EIF3H: variants seen among roughly 807,000 people sequenced by gnomAD.
EIF3H encodes eukaryotic translation initiation factor 3 subunit H.
In EIF3H, 26 loss-of-function variants were observed where a neutral mutation model predicts 44.2. That is an observed-to-expected ratio of 0.59 (90% CI 0.43 to 0.82). EIF3H has a LOEUF of 0.82. Among genes scored for constraint, EIF3H ranks in the 40% least tolerant of loss-of-function variants. The pLI is 0.00. For synonymous variants in EIF3H, 166 were observed against 151.9 expected (o/e 1.09, Z -0.68); for missense variants, 359 against 432.8 (o/e 0.83, Z 1.51).
At chr8:116,743,796 ATAAACACACACACACACAC>A (rs1815178593) in intron 1 of EIF3H, among the ~76,000 whole-genome samples, 5 of 98,960 alleles carry the variant, frequency 5.1e-5, no homozygotes, top group South Asian at 3.2e-4. Flanking sequence ...ATATATATAT[ATAAACACACACACACACAC>A]ACACACACAC....
chr8:116,757,035 C>T (rs1448908333), upstream of EIF3H, among the ~76,000 whole-genome samples: 1 of 152,152 alleles, frequency 6.6e-6, no homozygotes, highest in Non-Finnish European at 1.5e-5. Context: ...TTATTTATTG[C>T]TTTATCCTAC....
chr8:116,722,990 G>T (rs941867521), intron 2 of EIF3H, among the ~76,000 whole-genome samples: 3 of 152,132 alleles, frequency 2.0e-5, no homozygotes, highest in African/African-American at 7.2e-5. Flanking sequence ...CTTCAAGCTC[G>T]TAAAAGAAGT....
chr8:116,684,017 G>T (rs1417862762), intron 2 of EIF3H, among the ~76,000 whole-genome samples: 1 of 152,154 alleles, frequency 6.6e-6, no homozygotes, highest in Non-Finnish European at 1.5e-5. Flanking sequence ...TGACAGGTGA[G>T]GAAGTCTAAG....
intron 2 of EIF3H, among the ~76,000 whole-genome samples, chr8:116,718,145 A>G (rs78916003): frequency 0.021 from 3,257 of 152,274 alleles, 53 homozygotes; most frequent in Non-Finnish European, 0.031. Flanking sequence ...ACTAATTATC[A>G]GGGAAATGCA....
Position 116,726,037 on chromosome 8 carries a change from CCT to C in EIF3H, c.266_267del (p.Glu89GlyfsTer2). 6.2e-7 allele frequency: 1 copy of C among 1,613,952 alleles called. No homozygotes were observed. Among genetic ancestry groups the C allele is most frequent in the Non-Finnish European group, 8.5e-7 (1 of 1,179,912 alleles). On this transcript the variant is annotated frameshift_variant, in exon 2 of 8. Coordinates refer to ENST00000521861, the MANE Select transcript of EIF3H (RefSeq NM_003756.3). LOFTEE classifies it high-confidence loss of function. ...TNCFPFPQHT[E>X]DDADFDEVQY... is the part of the protein sequence containing the mutation. ...TTACCTTCATCAAAGTCAGCATCAT[CCT>C]CTGTGTGCTGAGGGAAAGGAAAGCA...
chr8:116,649,197 C>A (rs1813351462), intron 5 of EIF3H, among the ~76,000 whole-genome samples: 1 of 152,200 alleles, frequency 6.6e-6, no homozygotes, highest in Admixed American at 6.5e-5. Context: ...AACTGTTAAA[C>A]ATACCTAGTG....
At chr8:116,661,641 T>A (rs979279860) in intron 2 of EIF3H, among the ~76,000 whole-genome samples, 2 of 152,206 alleles carry the variant, frequency 1.3e-5, no homozygotes, top group African/African-American at 4.8e-5. Flanking sequence ...CAGCATGCAT[T>A]ATGATTTAAA....
At chr8:116,755,851 C>T (rs552604182), upstream of EIF3H, 3 of 1,601,988 alleles carry the variant, frequency 1.9e-6, no homozygotes, top group Non-Finnish European at 2.5e-6. Flanking sequence ...AGCGGAAGTA[C>T]AAGTCTCGCG....
At chr8:116,746,868 C>CA (rs201226580) in intron 1 of EIF3H, among the ~76,000 whole-genome samples, 21 of 149,382 alleles carry the variant, frequency 1.4e-4, no homozygotes, top group Middle Eastern at 3.4e-3. Context: ...TCACTCACAG[C>CA]AAAAAAAAAC....
chr8:116,675,988 T>A (rs1813840322), intron 2 of EIF3H, among the ~76,000 whole-genome samples: 2 of 152,200 alleles, frequency 1.3e-5, no homozygotes. Context: ...AATATGAGGA[T>A]CTTTTAGAAA....
intron 2 of EIF3H, among the ~76,000 whole-genome samples, chr8:116,684,976 G>C (rs561481805): frequency 1.3e-5 from 2 of 152,056 alleles, no homozygotes; most frequent in Admixed American, 6.5e-5. Flanking sequence ...TATTCGTAAG[G>C]GATACTTCTT....
intron 2 of EIF3H, among the ~76,000 whole-genome samples, chr8:116,669,001 T>C (rs529279714): frequency 2.0e-5 from 3 of 152,248 alleles, no homozygotes; most frequent in South Asian, 2.1e-4. Context: ...CATCTCCATA[T>C]TGGCGACGGG....
At chr8:116,659,786 G>A (rs141535130) in intron 2 of EIF3H, among the ~76,000 whole-genome samples, 1 of 151,964 alleles carries the variant, frequency 6.6e-6, no homozygotes, top group South Asian at 2.1e-4. Context: ...TATAATAAAC[G>A]ACATTTTAAA....
chr8:116,677,700 T>C (rs1208018644), intron 2 of EIF3H, among the ~76,000 whole-genome samples: 2 of 152,214 alleles, frequency 1.3e-5, no homozygotes, highest in Non-Finnish European at 2.9e-5. Context: ...ATGTGTAACT[T>C]GCCCATATAA....
chr8:116,653,452 G>T (rs1050417006), intron 5 of EIF3H, among the ~76,000 whole-genome samples: 1 of 151,838 alleles, frequency 6.6e-6, no homozygotes, highest in Admixed American at 6.6e-5. Flanking sequence ...CCAATTTTGT[G>T]GGAATCTTTT....
intron 1 of EIF3H, among the ~76,000 whole-genome samples, chr8:116,744,581 T>C (rs1815200936): frequency 6.6e-6 from 1 of 152,248 alleles, no homozygotes; most frequent in Non-Finnish European, 1.5e-5. Flanking sequence ...TACACTTTGC[T>C]ATTAAACCTA....
intron 5 of EIF3H, among the ~76,000 whole-genome samples, chr8:116,652,719 T>G (rs1338050624): frequency 6.6e-6 from 1 of 151,886 alleles, no homozygotes; most frequent in Non-Finnish European, 1.5e-5. Context: ...GTCTAAAGAG[T>G]TGAAAATTTA....
At chr8:116,695,489 G>C (rs6994586) in intron 2 of EIF3H, among the ~76,000 whole-genome samples, 4,026 of 152,256 alleles carry the variant, frequency 0.026, 81 homozygotes, top group Non-Finnish European at 0.044. Flanking sequence ...AGCCCAACCA[G>C]GTAAGTAGGG....
intron 1 of EIF3H, among the ~76,000 whole-genome samples, chr8:116,752,871 G>A (rs1815383158): frequency 6.6e-6 from 1 of 151,462 alleles, no homozygotes; most frequent in South Asian, 2.1e-4. Flanking sequence ...AGAGAGAAGA[G>A]AAGAGTTTAA....
Sources: gnomAD v4.1 joint callset for allele counts (sites outside exome capture counted in the v4.1 genomes callset) on GRCh38, gnomAD v4.1.1 for gene constraint, MANE v1.5 for transcripts, NCBI Gene and HGNC (gene_info 2026-07-23, HGNC 2026-07-21) for gene names.